MBOAT1: variants seen among roughly 807,000 people sequenced by gnomAD.
MBOAT1 encodes the protein membrane bound glycerophospholipid O-acyltransferase 1.
A neutral mutation model predicts 64.4 loss-of-function variants in MBOAT1; 67 were observed. The ratio of observed to expected loss-of-function variants is 1.04; its 90% CI spans 0.85 to 1.27. The LOEUF (loss-of-function observed/expected upper bound fraction) is 1.27. Among genes scored for constraint, MBOAT1 ranks in the 50% most tolerant of loss-of-function variants. MBOAT1 has a pLI of 0.00. For missense variants in MBOAT1, 563 were observed against 604.6 expected, an observed-to-expected ratio of 0.93 and a Z score of 0.72; for synonymous variants, 229 against 218.9, an observed-to-expected ratio of 1.05 and a Z score of -0.41.
rs11337867 is a variant in MBOAT1, at chr6:20,110,216, CTT to C, written c.1210-469_1210-468del. Among the ~76,000 whole-genome samples the C allele has an allele frequency of 6.9e-4, 97 of 140,424 alleles. 1 individual carries two copies. Among genetic ancestry groups the C allele is most frequent in the South Asian group, 3.9e-3 (17 of 4,372 alleles). The allele number at this position is 140,424 out of a possible 152,430, so 92.1% of individuals were successfully genotyped here. Reference sequence around the variant, plus strand: ...GAGCCACCGCGCCCGGCCCAGGACTCTTTTTTTTTTTTTTAAATAAGACTCTT... The same window carrying C: ...GAGCCACCGCGCCCGGCCCAGGACTCTTTTTTTTTTTTAAATAAGACTCTT... On this transcript the variant is annotated intron_variant, in intron 11 of 12. Coordinates refer to ENST00000324607, the MANE Select transcript of MBOAT1 (RefSeq NM_001080480.3).
At chr6:20,197,158 C>T (rs572655558) in intron 1 of MBOAT1, among the ~76,000 whole-genome samples, 1 of 151,872 alleles carries the variant, frequency 6.6e-6, no homozygotes, top group South Asian at 2.1e-4. Flanking sequence ...CACTATGTTG[C>T]TTAGGCTGGT....
At chr6:20,152,326 C>CAAA (rs60553927) in intron 2 of MBOAT1, among the ~76,000 whole-genome samples, 32 of 97,112 alleles carry the variant, frequency 3.3e-4, no homozygotes, top group African/African-American at 1.3e-3. Context: ...GACTCCGTCT[C>CAAA]AAAAAAAAAA....
intron 1 of MBOAT1, among the ~76,000 whole-genome samples, chr6:20,183,704 C>A (rs1330279308): frequency 6.6e-6 from 1 of 152,250 alleles, no homozygotes; most frequent in Non-Finnish European, 1.5e-5. Flanking sequence ...AGTATTGCTT[C>A]TGGCAAAACC....
chr6:20,188,033 AC>A (rs1166244342), intron 1 of MBOAT1, among the ~76,000 whole-genome samples: 1 of 152,186 alleles, frequency 6.6e-6, no homozygotes, highest in East Asian at 1.9e-4. Context: ...TTTTCTACCT[AC>A]GTTTAAAAAT....
chr6:20,126,298 G>A (rs1453984873), intron 7 of MBOAT1, among the ~76,000 whole-genome samples: 2 of 152,162 alleles, frequency 1.3e-5, no homozygotes, highest in African/African-American at 4.8e-5. Context: ...TGAACTGACT[G>A]CTTTCATTTT....
chr6:20,180,575 A>T (rs1762480905), intron 1 of MBOAT1, among the ~76,000 whole-genome samples: 1 of 152,178 alleles, frequency 6.6e-6, no homozygotes, highest in African/African-American at 2.4e-5. Context: ...TGACCCTCAT[A>T]GAATGAGCTG....
rs1225074135 is a variant in MBOAT1 at position 20,179,277 on chromosome 6, G to A, written c.100-26508C>T. 2.0e-5 allele frequency among the ~76,000 whole-genome samples: 3 copies of A among 152,296 alleles called. No individual in the cohort carries two copies. The East Asian group carries it at 5.8e-4, about 29-fold the overall frequency. Reference sequence around the variant, plus strand: ...AACTGAGGTGCTTAGGCTGCATGCAGTTGCCTCTCAAGATCTCATTCTTGT... The same window carrying A: ...AACTGAGGTGCTTAGGCTGCATGCAATTGCCTCTCAAGATCTCATTCTTGT... On this transcript the variant is annotated intron_variant, in intron 1 of 12. Transcript: ENST00000324607.
intron 12 of MBOAT1, 59 bp from the exon 13 acceptor site, chr6:20,102,471 AC>A (rs1429095117): frequency 2.1e-6 from 3 of 1,411,396 alleles, no homozygotes; most frequent in Non-Finnish European, 2.9e-6. Context: ...GGGAAACACC[AC>A]CTAATTATAT....
intron 1 of MBOAT1, among the ~76,000 whole-genome samples, chr6:20,195,605 CTGTG>C (rs10540923): frequency 0.43 from 64,305 of 149,476 alleles, 14,972 homozygotes; most frequent in Non-Finnish European, 0.52. Flanking sequence ...AATAAATTGC[CTGTG>C]TGTGTGTGTG....
intron 5 of MBOAT1, among the ~76,000 whole-genome samples, chr6:20,129,019 A>T (rs1384496362): frequency 3.3e-5 from 5 of 152,164 alleles, no homozygotes; most frequent in Non-Finnish European, 5.9e-5. Flanking sequence ...ACAGTATGAC[A>T]TGGATCCCAG....
intron 11 of MBOAT1, among the ~76,000 whole-genome samples, chr6:20,110,346 G>A (rs950100206): frequency 2.6e-5 from 4 of 151,698 alleles, no homozygotes; most frequent in Non-Finnish European, 4.4e-5. Context: ...CCAAGTAGCT[G>A]AGACTAAAGG....
At chr6:20,103,264 G>C (rs1759853499) in intron 12 of MBOAT1, among the ~76,000 whole-genome samples, 1 of 152,110 alleles carries the variant, frequency 6.6e-6, no homozygotes, top group Non-Finnish European at 1.5e-5. Flanking sequence ...TGATGATCCT[G>C]ATCTTGTGTA....
chr6:20,170,824 C>A lies in MBOAT1; in HGVS notation c.100-18055G>T, dbSNP rs541805991. Among the ~76,000 whole-genome samples the A allele has an allele frequency of 7.9e-5, 12 of 152,268 alleles. No individual in the cohort carries two copies. In the South Asian group the frequency reaches 2.3e-3, roughly 29 times the overall value. Reference sequence around the variant, plus strand: ...ACCTGGGCAAAAAACTTCAAGAAGGCGGAAACCATGTCTATCCTTTTTACC... The same window carrying A: ...ACCTGGGCAAAAAACTTCAAGAAGGAGGAAACCATGTCTATCCTTTTTACC... On this transcript the variant is annotated intron_variant, in intron 1 of 12. Coordinates refer to ENST00000324607, the MANE Select transcript of MBOAT1 (RefSeq NM_001080480.3).
intron 8 of MBOAT1, among the ~76,000 whole-genome samples, chr6:20,121,092 A>G (rs1352362542): frequency 6.6e-6 from 1 of 152,226 alleles, no homozygotes; most frequent in South Asian, 2.1e-4. Flanking sequence ...ACCATACACT[A>G]AGTCCAAAAG....
chr6:20,164,288 T>C (rs1023414821), intron 1 of MBOAT1, among the ~76,000 whole-genome samples: 3 of 152,002 alleles, frequency 2.0e-5, no homozygotes, highest in African/African-American at 7.2e-5. Context: ...CTTCTTTCAG[T>C]CTGGTTCCAT....
At chr6:20,193,777 T>C (rs951260235) in intron 1 of MBOAT1, among the ~76,000 whole-genome samples, 8 of 151,942 alleles carry the variant, frequency 5.3e-5, no homozygotes, top group African/African-American at 1.9e-4. Context: ...CAGCTAATTT[T>C]TGTATTTTTA....
chr6:20,145,044 G>C (rs572249865), intron 3 of MBOAT1, among the ~76,000 whole-genome samples: 167 of 152,276 alleles, frequency 1.1e-3, no homozygotes, highest in Non-Finnish European at 1.0e-3. Context: ...ATAAGTACTT[G>C]TCAAATGTGT....
chr6:20,168,628 GA>G (rs879715435), intron 1 of MBOAT1, among the ~76,000 whole-genome samples: 3,129 of 129,970 alleles, frequency 0.024, 108 homozygotes, highest in Non-Finnish European at 0.038. Context: ...GAAGAGAAGA[GA>G]AGAGAAGAGA....
chr6:20,148,567 T>C (rs1761395387), intron 3 of MBOAT1, among the ~76,000 whole-genome samples: 1 of 152,202 alleles, frequency 6.6e-6, no homozygotes, highest in African/African-American at 2.4e-5. Flanking sequence ...TGAAGGGAAC[T>C]TGCGTTCAAA....
Sources: allele counts gnomAD v4.1 joint callset (sites outside exome capture counted in the v4.1 genomes callset), GRCh38; gene constraint gnomAD v4.1.1; transcripts MANE v1.5; gene names NCBI Gene and HGNC (gene_info 2026-07-23, HGNC 2026-07-21).